Variants in SCRIB observed in about 807,000 individuals in gnomAD.
SCRIB encodes the protein scribble planar cell polarity protein, also known as protein scribble homolog.
SCRIB carries 72 observed loss-of-function variants against 170.0 expected under a neutral mutation model. That is an observed-to-expected ratio of 0.42 (90% CI 0.35 to 0.52). SCRIB has a LOEUF of 0.52. Among genes scored for constraint, SCRIB ranks in the 20% least tolerant of loss-of-function variants. The pLI is 0.02. For synonymous variants in SCRIB, 1,298 were observed against 1,044.3 expected, an observed-to-expected ratio of 1.24 and a Z score of -4.68; for missense variants, 2,475 against 2,338.5, an observed-to-expected ratio of 1.06 and a Z score of -1.20.
In SCRIB at chr8:143,795,441, C is replaced by G. The variant is rs782647513; in HGVS notation, c.3693G>C (p.Leu1231=). 1.2e-6 allele frequency: 2 copies of G among 1,613,188 alleles called. No individual in the cohort carries two copies. Among genetic ancestry groups the G allele is most frequent in the East Asian group, 4.5e-5 (2 of 44,860 alleles). The change falls in exon 25 of 37, where the codon CTG becomes CTC. Residue 1231 remains leucine (L), a synonymous_variant. Coordinates refer to ENST00000356994, the MANE Select transcript of SCRIB (RefSeq NM_182706.5). ...TGACCTTGCCTGGGCCCTCAGGGCT[C>G]AGCTCCCGGTCGATGGAAGAGATGC... ...LESISSIDRE[L]SPEGPGKEKE...
intron 27 of SCRIB, among the ~76,000 whole-genome samples, chr8:143,794,792 C>T (rs1364349105): frequency 2.0e-5 from 3 of 152,142 alleles, no homozygotes; most frequent in Admixed American, 6.5e-5. Flanking sequence ...AGAGGGATGC[C>T]TCGGCCTGTG....
At chr8:143,804,495 A>C in intron 21 of SCRIB, 73 bp downstream of exon 21, 1 of 1,428,634 alleles carries the variant, frequency 7.0e-7, no homozygotes, top group Non-Finnish European at 9.2e-7. Context: ...AGGCCATAAG[A>C]GAGCAGGTCC....
In SCRIB at chr8:143,804,820, A is replaced by G. The variant is rs2130078205; in HGVS notation, c.2757T>C (p.Asn919=). Residue 919 remains asparagine (N), a synonymous_variant, in exon 21 of 37, where the codon AAT becomes AAC. Coordinates refer to ENST00000356994, the MANE Select transcript of SCRIB (RefSeq NM_182706.5). ...GCCTGGCCTCAGTCACGTCCACTCC[A>G]TTAATCTGTGAGAGCGTGCCCGAAT... ...LQVGDRVLSI[N]GVDVTEARHD... is the part of the protein sequence containing the mutation. 2.6e-6 allele frequency: 4 copies of G among 1,566,920 alleles called. No individual in the cohort carries two copies. The highest frequency in any genetic ancestry group is 3.4e-6 in the Non-Finnish European group (4 of 1,160,388).
Position 143,813,539 on chromosome 8 carries a change from C to A in SCRIB, c.447-13G>T. The A allele has an allele frequency of 6.2e-7, 1 of 1,613,206 alleles. No individual in the cohort carries two copies. Among genetic ancestry groups the A allele is most frequent in the Non-Finnish European group, 8.5e-7 (1 of 1,179,940 alleles). ...CAGGTTGGCGAGGCTGAAAGAGAGA[C>A]CAGGCGCTGGGGCAAGAGGAAGGAA... On this transcript the variant is annotated splice_polypyrimidine_tract_variant and intron_variant, in intron 4 of 36. Coordinates refer to ENST00000356994, the MANE Select transcript of SCRIB (RefSeq NM_182706.5).
chr8:143,806,953 C>T lies in SCRIB; in HGVS notation c.2239G>A (p.Gly747Ser), dbSNP rs781834541. 12 of 1,613,204 alleles carry T rather than the reference C, an allele frequency of 7.4e-6. No individual in the cohort carries two copies. Among genetic ancestry groups the T allele is most frequent in the African/African-American group, 1.3e-5 (1 of 74,922 alleles). ...TCGTCCCCCTTATAGGGTGTGGAGC[C>T]CTTGCCGCCCGCAATGCTGATGCCC... ...GLGISIAGGK[G>S]STPYKGDDEG... Residue 747 changes from glycine to serine, a missense_variant, in exon 17 of 37, where the codon GGC becomes AGC. Coordinates refer to ENST00000356994, the MANE Select transcript of SCRIB (RefSeq NM_182706.5).
intron 24 of SCRIB, among the ~76,000 whole-genome samples, chr8:143,797,398 G>C (rs1227421308): frequency 6.6e-6 from 1 of 152,232 alleles, no homozygotes; most frequent in African/African-American, 2.4e-5. Context: ...GCTGCCTGAT[G>C]AGTATGGCAG....
In SCRIB at chr8:143,815,518, C is replaced by T; in HGVS notation, c.-146G>A. 1.0e-6 allele frequency: 1 copy of T among 983,906 alleles called. No individual in the cohort carries two copies. The highest frequency in any genetic ancestry group is 1.2e-6 in the Non-Finnish European group (1 of 829,990). The allele number at this position is 983,906 out of a possible 1,614,324, so 60.9% of individuals were successfully genotyped here. A position where few individuals can be genotyped will look rare whatever the true frequency, so the allele number is the denominator to read the frequency against. On this transcript the variant is annotated 5_prime_UTR_variant, in exon 1 of 37. Coordinates refer to ENST00000356994, the MANE Select transcript of SCRIB (RefSeq NM_182706.5). ...CCGAGACTGGACGGGGACGCGGCCGCGGCCGGCGCTGGGCCCGGCCCGCGC... is the reference window on the plus strand; with the variant it reads ...CCGAGACTGGACGGGGACGCGGCCGTGGCCGGCGCTGGGCCCGGCCCGCGC...
intron 1 of SCRIB, among the ~76,000 whole-genome samples, 182 bp from the exon 2 acceptor site, chr8:143,814,300 A>G (rs549045269): frequency 5.7e-4 from 86 of 152,200 alleles, no homozygotes; most frequent in African/African-American, 2.0e-3. Flanking sequence ...CACACGGTAC[A>G]CACGCCCACT....
intron 18 of SCRIB, 128 bp from the exon 19 acceptor site, chr8:143,805,563 C>A: frequency 1.0e-6 from 1 of 975,008 alleles, no homozygotes; most frequent in Non-Finnish European, 1.4e-6. Context: ...AGGCCCCAGG[C>A]GCTGACATCA....
chr8:143,809,474 C>T, intron 14 of SCRIB, 77 bp downstream of exon 14: 2 of 1,512,386 alleles, frequency 1.3e-6, no homozygotes, highest in Non-Finnish European at 1.8e-6. Context: ...CAAAACCGAT[C>T]CCAGCTGAGG....
chr8:143,791,803 G>A (rs1224800050), intron 34 of SCRIB, 63 bp from the exon 35 acceptor site: 19 of 1,478,192 alleles, frequency 1.3e-5, no homozygotes, highest in Middle Eastern at 1.7e-4. Flanking sequence ...TGAGGGCCAC[G>A]GGGGTGGGGG....
At position 143,804,118 on chromosome 8, in the gene SCRIB, A is replaced by G. The variant is rs1554635759; in HGVS notation, c.3048T>C (p.Leu1016=). The change falls in exon 22 of 37, where the codon CTT becomes CTC. Residue 1016 remains leucine (L), a synonymous_variant. Transcript: ENST00000356994. Reference sequence around the variant, plus strand: ...AATGGTCGGAGCCTCCGACAATACTAAGCCCCAGAGGGCCCCCAGCTCTTG... The same window carrying G: ...AATGGTCGGAGCCTCCGACAATACTGAGCCCCAGAGGGCCCCCAGCTCTTG... ...RLPRAGGPLG[L]SIVGGSDHSS... The G allele has an allele frequency of 1.2e-6, 2 of 1,612,596 alleles. No individual in the cohort carries two copies. Among genetic ancestry groups the G allele is most frequent in the Admixed American group, 1.7e-5 (1 of 59,910 alleles).
intron 1 of SCRIB, among the ~76,000 whole-genome samples, 164 bp from the exon 2 acceptor site, chr8:143,814,282 G>A (rs1815911094): frequency 6.6e-6 from 1 of 152,078 alleles, no homozygotes; most frequent in Admixed American, 6.5e-5. Flanking sequence ...GCAAAAAAAG[G>A]AAAGAAACAC....
In SCRIB at chr8:143,804,833, A is replaced by G. The variant is rs1397804669; in HGVS notation, c.2752-8T>C. The G allele has an allele frequency of 2.7e-6, 4 of 1,486,506 alleles. No homozygotes were observed. Among genetic ancestry groups the G allele is most frequent in the African/African-American group, 1.4e-5 (1 of 69,908 alleles). 92.1% of individuals were successfully genotyped at this position (1,486,506 alleles called of 1,614,324 possible). A position where few individuals can be genotyped will look rare whatever the true frequency, so the allele number is the denominator to read the frequency against. Reference sequence around the variant, plus strand: ...CACGTCCACTCCATTAATCTGTGAGAGCGTGCCCGAATCAGGGAGGCCCAA... The same window carrying G: ...CACGTCCACTCCATTAATCTGTGAGGGCGTGCCCGAATCAGGGAGGCCCAA... On this transcript the variant is annotated splice_polypyrimidine_tract_variant and splice_region_variant and intron_variant, in intron 20 of 36. Transcript: ENST00000356994.
rs782496282 is a variant in SCRIB, at chr8:143,804,720, G to A, written c.2857C>T (p.Pro953Ser). The A allele has an allele frequency of 6.3e-6, 10 of 1,587,106 alleles. No homozygotes were observed. Among genetic ancestry groups the A allele is most frequent in the Non-Finnish European group, 8.6e-6 (10 of 1,166,462 alleles). Residue 953 changes from proline to serine, a missense_variant, in exon 21 of 37, where the codon CCT becomes TCT. Around this residue, in one of 3 missense-constraint regions of SCRIB, gnomAD observed 1,966 missense variants for 1,742.9 expected, o/e 1.13. Transcript: ENST00000356994. ...ALLLEREAGG[P>S]LPPSPLPHSS... ...TGTGGCAGAGGGCTGGGAGGAAGAG[G>A]GCCCCCAGCCTCCCGCTCCAACAGC... is the stretch of plus-strand genomic sequence containing the variant.
rs1473725189 is a variant in SCRIB at position 143,811,500 on chromosome 8, G to A, written c.907-155C>T. On this transcript the variant is annotated intron_variant, in intron 9 of 36. Coordinates refer to ENST00000356994, the MANE Select transcript of SCRIB (RefSeq NM_182706.5). ...CCGGGACAAGGACCTGACCACAGAA[G>A]CTGTCTCCACCCCACTTCGTGCCCT... 1.3e-5 allele frequency among the ~76,000 whole-genome samples: 2 copies of A among 152,060 alleles called. 1 individual carries two copies.
intron 15 of SCRIB, among the ~76,000 whole-genome samples, chr8:143,807,924 C>G (rs1018420281): frequency 6.6e-6 from 1 of 152,146 alleles, no homozygotes; most frequent in Non-Finnish European, 1.5e-5. Context: ...ATAGTGAGAC[C>G]CGGGGACTCC....
At position 143,810,460 on chromosome 8, in the gene SCRIB, G is replaced by A; in HGVS notation, c.1530+19C>T. 6.2e-7 allele frequency: 1 copy of A among 1,602,104 alleles called. No individual in the cohort carries two copies. The highest frequency in any genetic ancestry group is 8.5e-7 in the Non-Finnish European group (1 of 1,178,614). The stretch of plus-strand genomic sequence containing the variant: ...TCCCGGGTCAGCGGCCCGCCAGGTT[G>A]CCGTGGCTCCATGCCCACCTCCTCT... On this transcript the variant is annotated intron_variant, in intron 13 of 36. Transcript: ENST00000356994.
intron 21 of SCRIB, 72 bp downstream of exon 21, chr8:143,804,496 G>C (rs559172544): frequency 3.5e-6 from 5 of 1,432,466 alleles, no homozygotes; most frequent in Admixed American, 2.5e-5. Context: ...GGCCATAAGA[G>C]AGCAGGTCCT....
Sources: gnomAD v4.1 joint callset for allele counts (sites outside exome capture counted in the v4.1 genomes callset) on GRCh38, gnomAD v4.1.1 for gene constraint, gnomAD v4.1.1 regional missense constraint, MANE v1.5 for transcripts, NCBI Gene and HGNC (gene_info 2026-07-23, HGNC 2026-07-21) for gene names.